The following RAB3C variants were observed in gnomAD, a reference collection of about 807,000 sequenced individuals.
RAB3C encodes ras-related protein Rab-3C.
RAB3C carries 17 observed loss-of-function variants against 26.4 expected under a neutral mutation model. The ratio of observed to expected loss-of-function variants is 0.64; its 90% CI spans 0.44 to 0.97. The LOEUF (loss-of-function observed/expected upper bound fraction) is 0.97. Among genes scored for constraint, RAB3C ranks in the 50% least tolerant of loss-of-function variants. RAB3C has a pLI of 0.00. For missense variants in RAB3C, 242 were observed against 281.9 expected (o/e 0.86, Z 1.01); for synonymous variants, 91 against 95.9 (o/e 0.95, Z 0.30).
chr5:58,718,020 C>T (rs758215790), intron 2 of RAB3C, among the ~76,000 whole-genome samples: 11 of 152,084 alleles, frequency 7.2e-5, no homozygotes, highest in Admixed American at 3.9e-4. Flanking sequence ...AAACGCAATG[C>T]ATTTGATCTA....
intron 2 of RAB3C, among the ~76,000 whole-genome samples, chr5:58,722,382 C>T (rs1740790009): frequency 2.0e-5 from 3 of 149,546 alleles, no homozygotes; most frequent in Admixed American, 2.0e-4. Context: ...CATGGGGTCC[C>T]AACCTGTAAG....
At chr5:58,650,605 A>C (rs1316193458) in intron 2 of RAB3C, among the ~76,000 whole-genome samples, 1 of 152,200 alleles carries the variant, frequency 6.6e-6, no homozygotes, top group Non-Finnish European at 1.5e-5. Flanking sequence ...GAGTCCTTTC[A>C]TACCTCAGTT....
chr5:58,669,695 A>G (rs942155690), intron 2 of RAB3C, among the ~76,000 whole-genome samples: 1 of 152,162 alleles, frequency 6.6e-6, no homozygotes, highest in African/African-American at 2.4e-5. Context: ...TCATCTGTAA[A>G]ACAGATCTAA....
intron 2 of RAB3C, among the ~76,000 whole-genome samples, chr5:58,712,430 A>G (rs551139291): frequency 2.6e-5 from 4 of 152,328 alleles, no homozygotes; most frequent in Admixed American, 2.6e-4. Flanking sequence ...GAGTCCAAAC[A>G]TCAATTTCAC....
At chr5:58,799,661 TCA>T (rs1742760358) in intron 3 of RAB3C, among the ~76,000 whole-genome samples, 4 of 152,168 alleles carry the variant, frequency 2.6e-5, no homozygotes, top group Non-Finnish European at 5.9e-5. Context: ...CCCCACACTC[TCA>T]GTCTCCTCAC....
intron 2 of RAB3C, among the ~76,000 whole-genome samples, chr5:58,628,637 G>A (rs1252732872): frequency 7.4e-6 from 1 of 135,550 alleles, no homozygotes; most frequent in Non-Finnish European, 1.6e-5. Flanking sequence ...AGTGGAACAG[G>A]GTGGCAACTG....
intron 2 of RAB3C, among the ~76,000 whole-genome samples, chr5:58,624,603 G>A (rs913989581): frequency 2.0e-5 from 3 of 152,138 alleles, no homozygotes; most frequent in Admixed American, 2.0e-4. Flanking sequence ...TCAGCTTCAT[G>A]GAAATCCACC....
intron 2 of RAB3C, among the ~76,000 whole-genome samples, chr5:58,666,312 G>T (rs159006): frequency 0.53 from 80,252 of 151,910 alleles, 21,393 homozygotes; most frequent in East Asian, 0.57. Flanking sequence ...CCAAAAATAT[G>T]TAAAGTATTT....
intron 2 of RAB3C, among the ~76,000 whole-genome samples, chr5:58,657,120 G>A (rs914152682): frequency 1.3e-5 from 2 of 152,170 alleles, no homozygotes; most frequent in Non-Finnish European, 2.9e-5. Context: ...TATTCTGAGT[G>A]AAGTAACTCA....
intron 2 of RAB3C, among the ~76,000 whole-genome samples, chr5:58,718,432 C>G (rs1204251832): frequency 6.6e-6 from 1 of 151,746 alleles, no homozygotes; most frequent in African/African-American, 2.4e-5. Flanking sequence ...AGTCAAAGGC[C>G]CCTTATAAAA....
intron 3 of RAB3C, among the ~76,000 whole-genome samples, chr5:58,775,295 C>G (rs1350136092): frequency 6.6e-6 from 1 of 152,036 alleles, no homozygotes; most frequent in East Asian, 1.9e-4. Flanking sequence ...AATGTCAAAC[C>G]CAGGGGCTTC....
intron 3 of RAB3C, among the ~76,000 whole-genome samples, chr5:58,729,244 C>A (rs1457589760): frequency 6.6e-6 from 1 of 151,870 alleles, no homozygotes; most frequent in Non-Finnish European, 1.5e-5. Context: ...ATTTTTTTCT[C>A]ATTTCTTTAT....
At chr5:58,616,331 A>G (rs749642365) in intron 1 of RAB3C, among the ~76,000 whole-genome samples, 4 of 152,192 alleles carry the variant, frequency 2.6e-5, no homozygotes, top group Non-Finnish European at 5.9e-5. Flanking sequence ...TTTCATGTTA[A>G]TGTAAATTTA....
At chr5:58,709,582 C>G (rs1007811552) in intron 2 of RAB3C, among the ~76,000 whole-genome samples, 3 of 152,208 alleles carry the variant, frequency 2.0e-5, no homozygotes, top group African/African-American at 7.2e-5. Context: ...AGACTTCTAT[C>G]CTCAGAATTG....
chr5:58,789,702 G>C (rs966459309), intron 3 of RAB3C, among the ~76,000 whole-genome samples: 1 of 151,980 alleles, frequency 6.6e-6, no homozygotes, highest in Non-Finnish European at 1.5e-5. Flanking sequence ...TTATTTAATT[G>C]GAAAAATTCA....
At chr5:58,745,392 CAAAA>C (rs1173604247) in intron 3 of RAB3C, among the ~76,000 whole-genome samples, 69 of 33,102 alleles carry the variant, frequency 2.1e-3, no homozygotes, top group Middle Eastern at 0.025. Context: ...GACTCTGCTT[CAAAA>C]AAAAAAAAAA....
chr5:58,616,940 C>G (rs1024377319), intron 1 of RAB3C, among the ~76,000 whole-genome samples: 1 of 152,136 alleles, frequency 6.6e-6, no homozygotes, highest in Non-Finnish European at 1.5e-5. Context: ...CCTGCCTCTA[C>G]TATTAACACC....
At chr5:58,642,929 G>A (rs750741589) in intron 2 of RAB3C, among the ~76,000 whole-genome samples, 1 of 152,144 alleles carries the variant, frequency 6.6e-6, no homozygotes, top group African/African-American at 2.4e-5. Flanking sequence ...TTTTAGAAAT[G>A]GGCAATTTAT....
intron 2 of RAB3C, among the ~76,000 whole-genome samples, chr5:58,644,615 T>A (rs1441095643): frequency 1.3e-5 from 2 of 152,166 alleles, no homozygotes; most frequent in Non-Finnish European, 2.9e-5. Context: ...GATTAAAGAT[T>A]AAGATTTTGG....
Sources: allele counts gnomAD v4.1 joint callset (sites outside exome capture counted in the v4.1 genomes callset), GRCh38; gene constraint gnomAD v4.1.1; transcripts MANE v1.5; gene names NCBI Gene and HGNC (gene_info 2026-07-23, HGNC 2026-07-21).